MPPE1: variants seen among roughly 807,000 people sequenced by gnomAD.
MPPE1 encodes metallo phosphoesterase.
Under a neutral mutation model 43.8 loss-of-function variants are expected in MPPE1, and 28 were observed. That is an observed-to-expected ratio of 0.64 (90% CI 0.47 to 0.88). MPPE1 has a LOEUF of 0.88. MPPE1 is among the 40% of genes least tolerant of loss of function. The pLI is 0.00. For missense variants in MPPE1, 428 were observed against 492.2 expected (o/e 0.87, Z 1.23); for synonymous variants, 159 against 188.5 (o/e 0.84, Z 1.28).
chr18:11,893,258 C>A, intron 4 of MPPE1: 1 of 516,016 alleles, frequency 1.9e-6, no homozygotes, highest in Non-Finnish European at 3.4e-6. Context: ...TACAATTAGC[C>A]AACCTAACTC....
chr18:11,888,493 C>T (rs1288370769), intron 6 of MPPE1, among the ~76,000 whole-genome samples, 176 bp downstream of exon 6: 1 of 152,134 alleles, frequency 6.6e-6, no homozygotes, highest in African/African-American at 2.4e-5. Flanking sequence ...GGTTTCCCAT[C>T]TATCGGCTCC....
At chr18:11,892,397 C>T (rs1362422221) in intron 4 of MPPE1, among the ~76,000 whole-genome samples, 10 of 150,712 alleles carry the variant, frequency 6.6e-5, no homozygotes, top group East Asian at 2.0e-4. Flanking sequence ...AGGGCAGGCA[C>T]GGTGGCTCAT....
chr18:11,885,710 C>G lies in MPPE1; in HGVS notation c.974G>C (p.Ser325Thr), dbSNP rs765303790. 6.2e-7 allele frequency: 1 copy of G among 1,613,902 alleles called. No individual in the cohort carries two copies. The highest frequency in any genetic ancestry group is 1.1e-5 in the South Asian group (1 of 91,060). Reference sequence around the variant, plus strand: ...ACTGGGGTTGTTTCTGTTCCTCCAACTGAAAGATGGGACGCTGAGCTCGGG... The same window carrying G: ...ACTGGGGTTGTTTCTGTTCCTCCAAGTGAAAGATGGGACGCTGAGCTCGGG... Reference protein sequence around the residue: ...RVPELSVPSFSWRNRNNPSFI... With the variant: ...RVPELSVPSFTWRNRNNPSFI... The change falls in exon 10 of 11, where the codon AGT becomes ACT. Residue 325 changes from serine to threonine, a missense_variant. Physicochemically the swap from Ser to Thr is moderately conservative, Grantham distance 58. Around this residue, in one of 3 missense-constraint regions of MPPE1, gnomAD observed 379 missense variants for 402.5 expected, o/e 0.94. Coordinates refer to ENST00000588072, the MANE Select transcript of MPPE1 (RefSeq NM_023075.6).
chr18:11,903,972 G>T lies in MPPE1; in HGVS notation c.-93+2231C>A, dbSNP rs569016318. 3.9e-5 allele frequency among the ~76,000 whole-genome samples: 6 copies of T among 152,264 alleles called. No individual in the cohort carries two copies. The East Asian group carries it at 1.2e-3, about 29-fold the overall frequency. On this transcript the variant is annotated intron_variant, in intron 2 of 10. Coordinates refer to ENST00000588072, the MANE Select transcript of MPPE1 (RefSeq NM_023075.6). Reference sequence around the variant, plus strand: ...GCCTCAGTCTCTTTTTCTGCCTTATGCCCCTCAGTGGAATTATTTTTTTCT... The same window carrying T: ...GCCTCAGTCTCTTTTTCTGCCTTATTCCCCTCAGTGGAATTATTTTTTTCT...
chr18:11,893,425 G>T, intron 4 of MPPE1, 43 bp downstream of exon 4: 1 of 1,366,306 alleles, frequency 7.3e-7, no homozygotes, highest in Non-Finnish European at 1.0e-6. Flanking sequence ...ACTTGTGCTG[G>T]ACCTCACAGC....
At chr18:11,894,101 G>A (rs1048003833) in intron 3 of MPPE1, among the ~76,000 whole-genome samples, 28 of 152,136 alleles carry the variant, frequency 1.8e-4, no homozygotes, top group African/African-American at 6.5e-4. Flanking sequence ...TCAGACATGC[G>A]AGTAATCCTC....
At chr18:11,907,944 C>T (rs1026332793) in intron 1 of MPPE1, 2 of 151,882 alleles carry the variant, frequency 1.3e-5, no homozygotes, top group African/African-American at 4.8e-5. Flanking sequence ...ATTGCAATCT[C>T]ATCAACTGCG....
intron 5 of MPPE1, 96 bp downstream of exon 5, chr18:11,889,291 A>C (rs2037691921): frequency 1.3e-6 from 1 of 775,630 alleles, no homozygotes; most frequent in East Asian, 2.7e-5. Context: ...ACAAATTTCA[A>C]GACAGCACAA....
At chr18:11,900,918 A>C (rs1002039768) in intron 2 of MPPE1, among the ~76,000 whole-genome samples, 20 of 151,876 alleles carry the variant, frequency 1.3e-4, no homozygotes, top group Non-Finnish European at 2.9e-4. Context: ...TTAAAAAAAA[A>C]AAAAAAGTAA....
intron 1 of MPPE1, among the ~76,000 whole-genome samples, chr18:11,906,666 A>G (rs1254118897): frequency 4.0e-5 from 6 of 151,654 alleles, no homozygotes; most frequent in Non-Finnish European, 7.4e-5. Flanking sequence ...GACCAGCCTG[A>G]CCAACATGGA....
rs1049155245 is a variant in MPPE1 at position 11,884,789 on chromosome 18, G to T, written c.1009-162C>A. ...ACCAAGGGGGCCCAGCCTTCTCCCTGCACAGCTCACCCCCGACCAGCCCAG... is the reference window on the plus strand; with the variant it reads ...ACCAAGGGGGCCCAGCCTTCTCCCTTCACAGCTCACCCCCGACCAGCCCAG... On this transcript the variant is annotated intron_variant, in intron 10 of 10. Coordinates refer to ENST00000588072, the MANE Select transcript of MPPE1 (RefSeq NM_023075.6). 3 of 1,362,528 alleles carry T rather than the reference G, an allele frequency of 2.2e-6. No individual in the cohort carries two copies. In the South Asian group the frequency reaches 4.6e-5, roughly 21 times the overall value. 84.4% of individuals were successfully genotyped at this position (1,362,528 alleles called of 1,614,324 possible). A position where few individuals can be genotyped will look rare whatever the true frequency, so the allele number is the denominator to read the frequency against.
intron 10 of MPPE1, 67 bp downstream of exon 10, chr18:11,885,609 T>C: frequency 5.2e-6 from 8 of 1,542,202 alleles, no homozygotes; most frequent in Non-Finnish European, 7.1e-6. Context: ...AGCAATTAAA[T>C]AGTTGATTAC....
At chr18:11,885,222 C>T (rs1598470390) in intron 10 of MPPE1, 2 of 349,518 alleles carry the variant, frequency 5.7e-6, no homozygotes, top group East Asian at 2.3e-4. Context: ...TGCAGGAGCC[C>T]ATGGCTGAAA....
intron 6 of MPPE1, among the ~76,000 whole-genome samples, chr18:11,888,323 A>G (rs2037569832): frequency 6.6e-6 from 1 of 152,208 alleles, no homozygotes; most frequent in Admixed American, 6.5e-5. Flanking sequence ...AAATTAGTAT[A>G]TTTTGATCAA....
rs141382628 is a variant in MPPE1 at position 11,884,387 on chromosome 18, T to C, written c.*58A>G. The stretch of plus-strand genomic sequence containing the variant: ...TCTCATCATCCACTTGATTCTAACA[T>C]GATCTCTGCCCAAAGTTCCATTTCT... On this transcript the variant is annotated 3_prime_UTR_variant, in exon 11 of 11. Coordinates refer to ENST00000588072, the MANE Select transcript of MPPE1 (RefSeq NM_023075.6). The C allele has an allele frequency of 1.2e-3, 1,886 of 1,551,660 alleles. 13 individuals are homozygous for C. In the African/African-American group the frequency reaches 0.022, roughly 18 times the overall value.
In MPPE1 at chr18:11,885,720, G is replaced by A. The variant is rs1330800007; in HGVS notation, c.964C>T (p.Pro322Ser). Reference sequence around the variant, plus strand: ...TTTCTGTTCCTCCAACTGAAAGATGGGACGCTGAGCTCGGGGACTCGGCCC... The same window carrying A: ...TTTCTGTTCCTCCAACTGAAAGATGAGACGCTGAGCTCGGGGACTCGGCCC... ...HGGRVPELSV[P>S]SFSWRNRNNP... Residue 322 changes from proline (P) to serine (S), a missense_variant, in exon 10 of 11, where the codon CCA becomes TCA. Physicochemically the swap from Pro to Ser is moderately conservative, Grantham distance 74. Coordinates refer to ENST00000588072, the MANE Select transcript of MPPE1 (RefSeq NM_023075.6). The A allele has an allele frequency of 1.2e-6, 2 of 1,613,900 alleles. No homozygotes were observed. The highest frequency in any genetic ancestry group is 1.7e-5 in the Admixed American group (1 of 60,018).
At chr18:11,898,674 C>A (rs1243842504) in intron 2 of MPPE1, among the ~76,000 whole-genome samples, 1 of 152,016 alleles carries the variant, frequency 6.6e-6, no homozygotes, top group Admixed American at 6.6e-5. Flanking sequence ...CCTGACTGAC[C>A]CTGCTGGGAC....
chr18:11,890,801 T>C (rs1171636129), intron 4 of MPPE1, among the ~76,000 whole-genome samples: 1 of 152,250 alleles, frequency 6.6e-6, no homozygotes, highest in East Asian at 1.9e-4. Context: ...AAGTTCTTCA[T>C]GTGTCTCAAC....
At chr18:11,898,465 G>A (rs1300596855) in intron 2 of MPPE1, among the ~76,000 whole-genome samples, 3 of 152,136 alleles carry the variant, frequency 2.0e-5, no homozygotes, top group Non-Finnish European at 4.4e-5. Context: ...GAAAGGTATC[G>A]AGATTAGGAT....
Sources: gnomAD v4.1 joint callset for allele counts (sites outside exome capture counted in the v4.1 genomes callset) on GRCh38, gnomAD v4.1.1 for gene constraint, gnomAD v4.1.1 regional missense constraint, MANE v1.5 for transcripts, NCBI Gene and HGNC (gene_info 2026-07-23, HGNC 2026-07-21) for gene names.